Variants in DIAPH2 observed in about 807,000 individuals in gnomAD.
DIAPH2 encodes protein diaphanous homolog 2.
In DIAPH2, 35 loss-of-function variants were observed where a neutral mutation model predicts 92.7. That is an observed-to-expected ratio of 0.38 (90% CI 0.29 to 0.50). The LOEUF is 0.50. Ranked by LOEUF, DIAPH2 falls within the 20% of genes least tolerant of loss-of-function variation. DIAPH2 has a pLI of 0.94. For missense variants in DIAPH2, 701 were observed against 819.5 expected (o/e 0.86, Z 1.77); for synonymous variants, 301 against 280.4 (o/e 1.07, Z -0.73).
intron 26 of DIAPH2, among the ~76,000 whole-genome samples, chrX:97,592,657 C>G (rs779183222): frequency 6.2e-5 from 7 of 112,022 alleles, no homozygotes; most frequent in Admixed American, 9.4e-5. Context: ...AATTAGAATA[C>G]TGTATTTTCT....
rs1205512201 is a variant in DIAPH2, at chrX:96,757,636, G to T, written c.343-518G>T. 5.4e-5 allele frequency among the ~76,000 whole-genome samples: 6 copies of T among 111,948 alleles called. No homozygotes were observed. The East Asian group carries it at 1.7e-3, about 32-fold the overall frequency. On this transcript the variant is annotated intron_variant, in intron 3 of 26. Transcript: ENST00000324765. ...CTTCTAATGAGTGACATTTATTACC[G>T]CAATACCGCTGTTTCTGCTTTTTTT...
At chrX:97,473,810 A>G (rs1266338259) in intron 26 of DIAPH2, among the ~76,000 whole-genome samples, 1 of 110,993 alleles carries the variant, frequency 9.0e-6, no homozygotes, top group African/African-American at 3.3e-5. Flanking sequence ...AAATACAAAA[A>G]TTAGCCAGGC....
At chrX:96,946,713 A>C in intron 14 of DIAPH2, among the ~76,000 whole-genome samples, 1 of 111,767 alleles carries the variant, frequency 8.9e-6, no homozygotes, top group African/African-American at 3.2e-5. Flanking sequence ...GAAAAACCTT[A>C]GAATCTCCTT....
intron 22 of DIAPH2, among the ~76,000 whole-genome samples, chrX:97,144,438 A>C (rs1056980240): frequency 2.1e-4 from 23 of 111,566 alleles, no homozygotes; most frequent in African/African-American, 7.5e-4. Flanking sequence ...AGAAGATTTG[A>C]AATATTCCCA....
At chrX:97,221,236 C>G (rs1004132191) in intron 22 of DIAPH2, among the ~76,000 whole-genome samples, 2 of 111,825 alleles carry the variant, frequency 1.8e-5, no homozygotes, top group African/African-American at 6.5e-5. Context: ...TTTCTAGTGT[C>G]TACAGTGTCC....
intron 17 of DIAPH2, among the ~76,000 whole-genome samples, chrX:97,055,616 T>C (rs1176767044): frequency 9.0e-6 from 1 of 110,877 alleles, no homozygotes; most frequent in African/African-American, 3.3e-5. Context: ...CATAAGCACA[T>C]AGATTAATGA....
chrX:97,203,865 C>T (rs922168799), intron 22 of DIAPH2, among the ~76,000 whole-genome samples: 1 of 110,470 alleles, frequency 9.1e-6, no homozygotes, highest in Non-Finnish European at 1.9e-5. Flanking sequence ...AGAGACACAA[C>T]AAAAAAAAGG....
chrX:97,528,995 A>G (rs777632763), intron 26 of DIAPH2: 1 of 109,879 alleles, frequency 9.1e-6, no homozygotes, highest in East Asian at 2.8e-4. Flanking sequence ...AATCGCTTGA[A>G]TCCGGGAGGC....
chrX:96,735,122 G>A (rs2064078508), intron 1 of DIAPH2, among the ~76,000 whole-genome samples: 1 of 111,333 alleles, frequency 9.0e-6, no homozygotes, highest in Non-Finnish European at 1.9e-5. Context: ...CTTTAGTATT[G>A]CTGTACTTAA....
At chrX:96,992,358 A>G (rs1569273736) in intron 17 of DIAPH2, among the ~76,000 whole-genome samples, 1 of 111,852 alleles carries the variant, frequency 8.9e-6, no homozygotes, top group East Asian at 2.8e-4. Flanking sequence ...AAAGCACATA[A>G]CAAAAGAAGA....
At chrX:97,568,240 A>T (rs2147872581) in intron 26 of DIAPH2, among the ~76,000 whole-genome samples, 1 of 110,601 alleles carries the variant, frequency 9.0e-6, no homozygotes, top group African/African-American at 3.3e-5. Flanking sequence ...TAATAATTTC[A>T]ATTAAATAAA....
chrX:96,747,526 AATG>A (rs776188355), intron 3 of DIAPH2, among the ~76,000 whole-genome samples: 25 of 112,431 alleles, frequency 2.2e-4, no homozygotes, highest in Admixed American at 6.6e-4. Flanking sequence ...GTCATAATTT[AATG>A]ATAATAGTTA....
At chrX:97,292,166 C>T (rs766498175) in intron 23 of DIAPH2, among the ~76,000 whole-genome samples, 5 of 106,131 alleles carry the variant, frequency 4.7e-5, no homozygotes, top group Non-Finnish European at 9.6e-5. Context: ...ATAGGTGGGA[C>T]CACAGGTGCA....
At chrX:96,991,927 C>A (rs1449298240) in intron 17 of DIAPH2, among the ~76,000 whole-genome samples, 1 of 111,104 alleles carries the variant, frequency 9.0e-6, no homozygotes, top group African/African-American at 3.3e-5. Context: ...TTAGAAAGAA[C>A]ATATACTCTG....
At chrX:97,219,769 C>G (rs1443366720) in intron 22 of DIAPH2, among the ~76,000 whole-genome samples, 1 of 111,822 alleles carries the variant, frequency 8.9e-6, no homozygotes, top group Non-Finnish European at 1.9e-5. Context: ...ATAGTTGTAG[C>G]TTTATTGTTT....
At chrX:97,323,457 G>C (rs1482970722) in intron 23 of DIAPH2, among the ~76,000 whole-genome samples, 1 of 105,112 alleles carries the variant, frequency 9.5e-6, no homozygotes, top group Non-Finnish European at 2.0e-5. Flanking sequence ...CGGGCGTGGT[G>C]GCGGGCGCCT....
chrX:97,095,407 C>T (rs996385447), intron 19 of DIAPH2, among the ~76,000 whole-genome samples: 5 of 107,574 alleles, frequency 4.6e-5, no homozygotes, highest in African/African-American at 6.7e-5. Context: ...TGAGCCACCG[C>T]GCCCGGCCAA....
chrX:97,344,452 A>T (rs985709697), intron 23 of DIAPH2, among the ~76,000 whole-genome samples: 3 of 112,123 alleles, frequency 2.7e-5, no homozygotes, highest in Non-Finnish European at 3.8e-5. Context: ...ATAAGTTTTT[A>T]AAATTCCCAC....
At chrX:97,139,957 T>G (rs989579672) in intron 21 of DIAPH2, among the ~76,000 whole-genome samples, 8 of 111,014 alleles carry the variant, frequency 7.2e-5, no homozygotes, top group Admixed American at 6.7e-4. Flanking sequence ...TAAACTATAA[T>G]GTACTTGTAC....
Sources: gnomAD v4.1 joint callset for allele counts (sites outside exome capture counted in the v4.1 genomes callset) on GRCh38, gnomAD v4.1.1 for gene constraint, MANE v1.5 for transcripts, NCBI Gene and HGNC (gene_info 2026-07-23, HGNC 2026-07-21) for gene names.